Variants in BAZ1A observed in about 807,000 individuals in gnomAD.
BAZ1A encodes the protein bromodomain adjacent to zinc finger domain protein 1A.
A neutral mutation model predicts 185.2 loss-of-function variants in BAZ1A; 50 were observed. The observed-to-expected ratio is 0.27, with a 90% CI of 0.22 to 0.34. The LOEUF is 0.34. BAZ1A is among the 10% of genes least tolerant of loss of function. The pLI is 1.00. For synonymous variants in BAZ1A, 571 were observed against 615.6 expected (o/e 0.93, Z 1.07); for missense variants, 1,356 against 1,839.9 (o/e 0.74, Z 4.81).
At chr14:34,861,601 G>A (rs2042769651) in intron 3 of BAZ1A, among the ~76,000 whole-genome samples, 1 of 152,178 alleles carries the variant, frequency 6.6e-6, no homozygotes. Context: ...TGAGGACACA[G>A]TAGATACCAT....
chr14:34,806,684 G>T lies in BAZ1A; in HGVS notation c.726+767C>A, dbSNP rs185108156. 4.6e-5 allele frequency among the ~76,000 whole-genome samples: 7 copies of T among 151,966 alleles called. No homozygotes were observed. The East Asian group carries it at 1.4e-3, about 29-fold the overall frequency. ...AAACTTGACTTTTTCCTCTCTTAAT[G>T]GTTATAGACAAAATATAATCTGTCT... On this transcript the variant is annotated intron_variant, in intron 6 of 26. Transcript: ENST00000360310.
chr14:34,844,783 A>ACACACACACACGCG (rs2042480902), intron 3 of BAZ1A, among the ~76,000 whole-genome samples: 1 of 27,014 alleles, frequency 3.7e-5, no homozygotes, highest in Non-Finnish European at 1.0e-4. Flanking sequence ...ACGCGCACAC[A>ACACACACACACGCG]CACACACACA....
chr14:34,820,507 CA>C (rs1007023722), intron 4 of BAZ1A, among the ~76,000 whole-genome samples: 1 of 152,150 alleles, frequency 6.6e-6, no homozygotes, highest in Non-Finnish European at 1.5e-5. Context: ...TTATCTTTTG[CA>C]AAACACTCTG....
At chr14:34,847,676 T>C (rs958871252) in intron 3 of BAZ1A, among the ~76,000 whole-genome samples, 1 of 152,220 alleles carries the variant, frequency 6.6e-6, no homozygotes, top group Non-Finnish European at 1.5e-5. Flanking sequence ...ATGTTCATCT[T>C]ACCGCATCAA....
intron 2 of BAZ1A, among the ~76,000 whole-genome samples, chr14:34,873,714 TGCCCAGCC>T (rs1442215607): frequency 6.6e-6 from 1 of 152,120 alleles, no homozygotes; most frequent in African/African-American, 2.4e-5. Flanking sequence ...CTCTTCCCCT[TGCCCAGCC>T]GCGACTTCTT....
chr14:34,833,074 C>CA (rs1194310788), intron 3 of BAZ1A, among the ~76,000 whole-genome samples: 187 of 151,262 alleles, frequency 1.2e-3, no homozygotes, highest in African/African-American at 4.3e-3. Context: ...CCCAACTCTA[C>CA]AAAACAAAAA....
At chr14:34,868,588 G>A (rs2042898753) in intron 2 of BAZ1A, among the ~76,000 whole-genome samples, 2 of 152,288 alleles carry the variant, frequency 1.3e-5, no homozygotes, top group South Asian at 4.1e-4. Flanking sequence ...TGGATCACAA[G>A]TCAGGAGGTC....
chr14:34,807,268 A>G (rs1881902703), intron 6 of BAZ1A, among the ~76,000 whole-genome samples, 183 bp downstream of exon 6: 1 of 151,744 alleles, frequency 6.6e-6, no homozygotes, highest in African/African-American at 2.4e-5. Context: ...CCACCTAGCG[A>G]TTCCAGCAAT....
At chr14:34,782,079 C>T (rs1441980440) in intron 16 of BAZ1A, among the ~76,000 whole-genome samples, 1 of 152,156 alleles carries the variant, frequency 6.6e-6, no homozygotes, top group East Asian at 1.9e-4. Flanking sequence ...CTGGGTCATA[C>T]AGTAACAAAT....
At chr14:34,759,266 C>T (rs5005325) in intron 24 of BAZ1A, among the ~76,000 whole-genome samples, 22,437 of 146,914 alleles carry the variant, frequency 0.15, 1,938 homozygotes, top group Admixed American at 0.28. Context: ...CTGAAAGCTC[C>T]GCCTCCTGGG....
At chr14:34,832,213 CACATATATAT>C in intron 3 of BAZ1A, among the ~76,000 whole-genome samples, 1 of 78,696 alleles carries the variant, frequency 1.3e-5, no homozygotes, top group East Asian at 2.8e-4. Flanking sequence ...CACACACACA[CACATATATAT>C]ATATATATGT....
chr14:34,768,707 A>G (rs1434591940), intron 21 of BAZ1A: 1 of 423,508 alleles, frequency 2.4e-6, no homozygotes, highest in Non-Finnish European at 4.6e-6. Context: ...CACACTAGAT[A>G]GATCTTCCTC....
Position 34,814,474 on chromosome 14 carries a change from A to G in BAZ1A, c.537-3438T>C, listed in dbSNP as rs369695982. Among the ~76,000 whole-genome samples the G allele has an allele frequency of 2.0e-4, 30 of 151,540 alleles. No individual in the cohort carries two copies. In the Middle Eastern group the frequency reaches 0.01, roughly 52 times the overall value. Reference sequence around the variant, plus strand: ...TACAGTCTAGAAAACTTGTATATGGACCTTTTTTGGGGGAGACAGGGTCTC... The same window carrying G: ...TACAGTCTAGAAAACTTGTATATGGGCCTTTTTTGGGGGAGACAGGGTCTC... On this transcript the variant is annotated intron_variant, in intron 4 of 26. Coordinates refer to ENST00000360310, the MANE Select transcript of BAZ1A (RefSeq NM_013448.3).
intron 2 of BAZ1A, among the ~76,000 whole-genome samples, chr14:34,865,303 G>T (rs565154803): frequency 2.2e-4 from 33 of 152,134 alleles, no homozygotes; most frequent in African/African-American, 8.0e-4. Context: ...GTTAACAATG[G>T]CTGCCTCTAA....
chr14:34,778,447 T>C (rs1879808882), intron 17 of BAZ1A, among the ~76,000 whole-genome samples: 1 of 152,230 alleles, frequency 6.6e-6, no homozygotes, highest in African/African-American at 2.4e-5. Flanking sequence ...TCTATTTCTT[T>C]TGCTTGAAAG....
chr14:34,874,335 G>A lies in BAZ1A; in HGVS notation c.113+157C>T, dbSNP rs1594926527. Reference sequence around the variant, plus strand: ...AGTTGGCCCCGCGCGTTCTCCAGGTGGAGGCCAGGAGGCAGAGAACCGCGG... The same window carrying A: ...AGTTGGCCCCGCGCGTTCTCCAGGTAGAGGCCAGGAGGCAGAGAACCGCGG... On this transcript the variant is annotated intron_variant, in intron 2 of 26. Coordinates refer to ENST00000360310, the MANE Select transcript of BAZ1A (RefSeq NM_013448.3). This position sits in a 1 kb window ranked among gnomAD's most constrained non-coding sequence, Gnocchi z 4.7. 3.1e-6 allele frequency: 2 copies of A among 653,622 alleles called. No individual in the cohort carries two copies. Among genetic ancestry groups the A allele is most frequent in the Non-Finnish European group, 2.6e-6 (1 of 389,090 alleles). 40.5% of individuals were successfully genotyped at this position (653,622 alleles called of 1,614,324 possible).
chr14:34,798,596 C>T (rs1313239454), intron 9 of BAZ1A, among the ~76,000 whole-genome samples: 1 of 152,190 alleles, frequency 6.6e-6, no homozygotes, highest in Non-Finnish European at 1.5e-5. Context: ...AGACACTTCT[C>T]AAAAGAAGAC....
chr14:34,814,880 T>G (rs2041983084), intron 4 of BAZ1A, among the ~76,000 whole-genome samples: 1 of 151,518 alleles, frequency 6.6e-6, no homozygotes, highest in African/African-American at 2.4e-5. Context: ...TTCAAGAGAT[T>G]CTCCTGCCTC....
At chr14:34,809,903 A>C (rs10145350) in intron 5 of BAZ1A, among the ~76,000 whole-genome samples, 41,973 of 152,048 alleles carry the variant, frequency 0.28, 6,121 homozygotes, top group Admixed American at 0.37. Context: ...AAACTAAACA[A>C]ATTTTTAGAA....
Sources: allele counts gnomAD v4.1 joint callset (sites outside exome capture counted in the v4.1 genomes callset), GRCh38; gene constraint gnomAD v4.1.1; non-coding constraint Gnocchi (gnomAD v3.1); transcripts MANE v1.5; gene names NCBI Gene and HGNC (gene_info 2026-07-23, HGNC 2026-07-21).